FSTL5: variants seen among roughly 807,000 people sequenced by gnomAD.
FSTL5 encodes the protein follistatin like 5.
Under a neutral mutation model 89.1 loss-of-function variants are expected in FSTL5, and 62 were observed. That is an observed-to-expected ratio of 0.70 (90% CI 0.57 to 0.86). The LOEUF (loss-of-function observed/expected upper bound fraction) is 0.86, where lower values mean the gene tolerates loss of function less well. FSTL5 is among the 40% of genes least tolerant of loss of function. The pLI, the probability that FSTL5 is intolerant of heterozygous loss-of-function variation, is 0.00. For missense variants in FSTL5, 1,057 were observed against 1,001.6 expected, an observed-to-expected ratio of 1.06 and a Z score of -0.75; for synonymous variants, 383 against 346.2, an observed-to-expected ratio of 1.11 and a Z score of -1.18.
At chr4:161,938,321 C>T (rs890998188) in intron 3 of FSTL5, among the ~76,000 whole-genome samples, 4 of 152,012 alleles carry the variant, frequency 2.6e-5, no homozygotes, top group African/African-American at 9.7e-5. Context: ...GTAAATGCTT[C>T]ATACACTAAT....
intron 1 of FSTL5, among the ~76,000 whole-genome samples, chr4:162,138,495 A>G (rs575977262): frequency 6.6e-6 from 1 of 152,228 alleles, no homozygotes; most frequent in East Asian, 1.9e-4. Flanking sequence ...CTTTAAAAAG[A>G]CATCTATTTT....
intron 2 of FSTL5, among the ~76,000 whole-genome samples, chr4:162,105,800 C>T (rs11100412): frequency 0.8 from 120,962 of 151,978 alleles, 48,523 homozygotes; most frequent in Non-Finnish European, 0.84. Flanking sequence ...GTGGTCCAAA[C>T]TGCTTCCTGA....
intron 3 of FSTL5, among the ~76,000 whole-genome samples, chr4:161,925,532 A>G (rs1284383015): frequency 6.6e-6 from 1 of 151,884 alleles, no homozygotes; most frequent in African/African-American, 2.4e-5. Context: ...TTTAACTAGA[A>G]CATAGTAGGA....
intron 4 of FSTL5, among the ~76,000 whole-genome samples, chr4:161,797,543 C>T (rs1729668849): frequency 6.6e-6 from 1 of 151,366 alleles, no homozygotes; most frequent in South Asian, 2.1e-4. Context: ...CAAGTATTCT[C>T]CAAAATTAGA....
chr4:162,145,099 T>TAATGAATACACACATATTCATTACC (rs547478924), intron 1 of FSTL5, among the ~76,000 whole-genome samples: 1,551 of 151,752 alleles, frequency 0.01, 33 homozygotes, highest in African/African-American at 0.035. Context: ...AATGAATATG[T>TAATGAATACACACATATTCATTACC]AATGAATACA....
intron 15 of FSTL5, among the ~76,000 whole-genome samples, chr4:161,407,467 C>T (rs1343021487): frequency 6.6e-6 from 1 of 152,176 alleles, no homozygotes; most frequent in Admixed American, 6.5e-5. Context: ...AACACTATGG[C>T]TAGTTCCCCT....
intron 6 of FSTL5, among the ~76,000 whole-genome samples, chr4:161,748,033 T>C (rs1001703916): frequency 2.0e-5 from 3 of 152,086 alleles, no homozygotes; most frequent in East Asian, 1.9e-4. Context: ...TAATATAATA[T>C]CCTTAAGAAA....
At chr4:162,095,916 C>A (rs567917968) in intron 2 of FSTL5, among the ~76,000 whole-genome samples, 26 of 151,960 alleles carry the variant, frequency 1.7e-4, no homozygotes, top group South Asian at 8.3e-4. Context: ...AAAAATATAT[C>A]TTTAATGTGT....
At chr4:161,667,252 A>C (rs1025080460) in intron 6 of FSTL5, among the ~76,000 whole-genome samples, 1 of 152,100 alleles carries the variant, frequency 6.6e-6, no homozygotes, top group African/African-American at 2.4e-5. Context: ...TAAAATAATA[A>C]AGGTTGAGTC....
intron 8 of FSTL5, among the ~76,000 whole-genome samples, chr4:161,565,415 A>G (rs967954007): frequency 2.6e-5 from 4 of 152,010 alleles, no homozygotes; most frequent in East Asian, 1.9e-4. Context: ...ATACATATAT[A>G]TGTTTTTGAG....
At chr4:161,548,126 T>G (rs1732066637) in intron 8 of FSTL5, among the ~76,000 whole-genome samples, 1 of 152,006 alleles carries the variant, frequency 6.6e-6, no homozygotes, top group Non-Finnish European at 1.5e-5. Context: ...CCATCAAATC[T>G]TTTTTCATTT....
At chr4:161,639,245 A>C (rs1329021065) in intron 7 of FSTL5, among the ~76,000 whole-genome samples, 1 of 152,146 alleles carries the variant, frequency 6.6e-6, no homozygotes, top group Admixed American at 6.6e-5. Flanking sequence ...TAAAAATGTG[A>C]GGCAGAAAGC....
chr4:161,757,601 A>G (rs1340477826), intron 6 of FSTL5, among the ~76,000 whole-genome samples: 1 of 151,974 alleles, frequency 6.6e-6, no homozygotes, highest in African/African-American at 2.4e-5. Context: ...AAAGTAGAAT[A>G]ATAATGCTGT....
chr4:161,608,180 G>T (rs13149421), intron 7 of FSTL5, among the ~76,000 whole-genome samples: 101,393 of 151,916 alleles, frequency 0.67, 34,120 homozygotes, highest in African/African-American at 0.74. Context: ...GGAAAATGCT[G>T]TGTAAATTAC....
chr4:161,779,800 T>TATATATAC lies in FSTL5; in HGVS notation c.410-3727_410-3726insGTATATAT, dbSNP rs1741581118. 8.7e-5 allele frequency among the ~76,000 whole-genome samples: 5 copies of TATATATAC among 57,184 alleles called. No homozygotes were observed. In the South Asian group the frequency reaches 2.1e-3, roughly 25 times the overall value. The allele number at this position is 57,184 out of a possible 152,430, so 37.5% of individuals were successfully genotyped here. A position where few individuals can be genotyped will look rare whatever the true frequency, so the allele number is the denominator to read the frequency against. The stretch of plus-strand genomic sequence containing the variant: ...GTATATATATATATATATATATATA[T>TATATATAC]ATATATATATGTATATATATATATA... On this transcript the variant is annotated intron_variant, in intron 4 of 15. Coordinates refer to ENST00000306100, the MANE Select transcript of FSTL5 (RefSeq NM_020116.5).
chr4:161,800,668 G>A lies in FSTL5; in HGVS notation c.410-24594C>T, dbSNP rs551675286. 4.0e-5 allele frequency among the ~76,000 whole-genome samples: 6 copies of A among 151,600 alleles called. No individual in the cohort carries two copies. The East Asian group carries it at 9.7e-4, about 24-fold the overall frequency. On this transcript the variant is annotated intron_variant, in intron 4 of 15. Transcript: ENST00000306100. Reference sequence around the variant, plus strand: ...ATTACCCCTTCTAAGTGACTGAAACGTAATTGGAAATGTAGAAATTTCATT... The same window carrying A: ...ATTACCCCTTCTAAGTGACTGAAACATAATTGGAAATGTAGAAATTTCATT...
chr4:161,725,558 T>A (rs1396627255), intron 6 of FSTL5, among the ~76,000 whole-genome samples: 2 of 151,794 alleles, frequency 1.3e-5, no homozygotes, highest in Non-Finnish European at 2.9e-5. Context: ...AAACATACTT[T>A]TGAAAAAATA....
intron 5 of FSTL5, among the ~76,000 whole-genome samples, chr4:161,759,842 C>T (rs923703611): frequency 6.6e-6 from 1 of 151,764 alleles, no homozygotes; most frequent in Non-Finnish European, 1.5e-5. Flanking sequence ...TTCTTTGCTC[C>T]ATTTATACTG....
At position 162,031,959 on chromosome 4, in the gene FSTL5, G is replaced by A. The variant is rs185022631; in HGVS notation, c.160+1666C>T. ...TGTCAAAAAAAGAAAAAAGTTAGAA[G>A]TCTAAAAGCCACAATGTGTGTGAAA... On this transcript the variant is annotated intron_variant, in intron 3 of 15. Coordinates refer to ENST00000306100, the MANE Select transcript of FSTL5 (RefSeq NM_020116.5). 3.9e-5 allele frequency among the ~76,000 whole-genome samples: 6 copies of A among 152,002 alleles called. No individual in the cohort carries two copies. In the East Asian group the frequency reaches 7.8e-4, roughly 20 times the overall value.
Sources: gnomAD v4.1 joint callset for allele counts (sites outside exome capture counted in the v4.1 genomes callset) on GRCh38, gnomAD v4.1.1 for gene constraint, MANE v1.5 for transcripts, NCBI Gene and HGNC (gene_info 2026-07-23, HGNC 2026-07-21) for gene names.